RFTN1: variants seen among roughly 807,000 people sequenced by gnomAD.
RFTN1 encodes raftlin.
Under a neutral mutation model 46.5 loss-of-function variants are expected in RFTN1, and 26 were observed. That is an observed-to-expected ratio of 0.56 (90% CI 0.41 to 0.78). RFTN1 has a LOEUF of 0.78. Ranked by LOEUF, RFTN1 falls within the 30% of genes least tolerant of loss-of-function variation. The pLI, the probability that RFTN1 is intolerant of heterozygous loss-of-function variation, is 0.00. For synonymous variants in RFTN1, 261 were observed against 284.2 expected, an observed-to-expected ratio of 0.92 and a Z score of 0.82; for missense variants, 693 against 718.7, an observed-to-expected ratio of 0.96 and a Z score of 0.41.
intron 1 of RFTN1, among the ~76,000 whole-genome samples, chr3:16,494,465 C>T (rs2076592932): frequency 6.6e-6 from 1 of 152,060 alleles, no homozygotes. Flanking sequence ...GTTTTTAGAC[C>T]AAACTGCAGG....
In RFTN1 at chr3:16,474,665, G is replaced by A. The variant is rs927203545; in HGVS notation, c.145+19060C>T. ...TTAAACCACTGATTCACCATGCAAT[G>A]CAGTGTTAAAGTCAAAAGAACCTTA... On this transcript the variant is annotated intron_variant, in intron 2 of 9. Coordinates refer to ENST00000334133, the MANE Select transcript of RFTN1 (RefSeq NM_015150.2). This position sits in a 1 kb window ranked among gnomAD's most constrained non-coding sequence, Gnocchi z 5.5. 1.3e-5 allele frequency among the ~76,000 whole-genome samples: 2 copies of A among 152,168 alleles called. No individual in the cohort carries two copies. Among genetic ancestry groups the A allele is most frequent in the African/African-American group, 4.8e-5 (2 of 41,430 alleles).
intron 3 of RFTN1, among the ~76,000 whole-genome samples, chr3:16,412,304 G>A (rs957020574): frequency 3.9e-5 from 6 of 152,216 alleles, no homozygotes; most frequent in Non-Finnish European, 7.3e-5. Context: ...AAAGGGAGAG[G>A]AAGGGGGAAA....
Position 16,316,478 on chromosome 3 carries a change from C to A in RFTN1, c.*350G>T. The stretch of plus-strand genomic sequence containing the variant: ...GCCCAGGGTGTCCATGGATTTGACC[C>A]GAATGCTCCCTGGAGGCCCTGTGGC... On this transcript the variant is annotated 3_prime_UTR_variant, in exon 10 of 10. Transcript: ENST00000334133. The surrounding 1 kb of genome is among the most constrained non-coding windows in gnomAD (Gnocchi z 4.5). 3.1e-6 allele frequency: 1 copy of A among 321,990 alleles called. No homozygotes were observed. The highest frequency in any genetic ancestry group is 5.8e-6 in the Non-Finnish European group (1 of 171,724). 19.9% of individuals were successfully genotyped at this position (321,990 alleles called of 1,614,324 possible).
rs1049355046 is a variant in RFTN1 at position 16,429,079 on chromosome 3, T to C, written c.332+4772A>G. ...CTATTCATTCTTGAGTCAAAGTAACTTGAGTCAAAGTAACTGACTTGACTA... is the reference window on the plus strand; with the variant it reads ...CTATTCATTCTTGAGTCAAAGTAACCTGAGTCAAAGTAACTGACTTGACTA... On this transcript the variant is annotated intron_variant, in intron 3 of 9. Transcript: ENST00000334133. This position sits in a 1 kb window ranked among gnomAD's most constrained non-coding sequence, Gnocchi z 6.4. Among the ~76,000 whole-genome samples the C allele has an allele frequency of 2.6e-5, 4 of 152,234 alleles. No individual in the cohort carries two copies. Among genetic ancestry groups the C allele is most frequent in the Admixed American group, 2.0e-4 (3 of 15,278 alleles).
In RFTN1 at chr3:16,387,778, C is replaced by T. The variant is rs1300889716; in HGVS notation, c.442-9676G>A. Among the ~76,000 whole-genome samples, 1 of 152,160 alleles carries T rather than the reference C, an allele frequency of 6.6e-6. No homozygotes were observed. The highest frequency in any genetic ancestry group is 2.4e-5 in the African/African-American group (1 of 41,428). ...CTCTAGCTTCTGTACTGCCTCCTCA[C>T]CGGCAGCTCCCCACAGCCCTCCTGT... On this transcript the variant is annotated intron_variant, in intron 4 of 9. Transcript: ENST00000334133. This position sits in a 1 kb window ranked among gnomAD's most constrained non-coding sequence, Gnocchi z 5.2.
In RFTN1 at chr3:16,380,726, A is replaced by G. The variant is rs962044854; in HGVS notation, c.442-2624T>C. ...TTAACAAGTCCTCCGAGTGATTCCA[A>G]TGCAGCCTGATGTTTGAGAATCACT... is the stretch of plus-strand genomic sequence containing the variant. On this transcript the variant is annotated intron_variant, in intron 4 of 9. Coordinates refer to ENST00000334133, the MANE Select transcript of RFTN1 (RefSeq NM_015150.2). This position sits in a 1 kb window ranked among gnomAD's most constrained non-coding sequence, Gnocchi z 4.8. 5.3e-5 allele frequency among the ~76,000 whole-genome samples: 8 copies of G among 152,184 alleles called. No individual in the cohort carries two copies. The highest frequency in any genetic ancestry group is 1.7e-4 in the African/African-American group (7 of 41,442).
At chr3:16,454,130 C>T (rs954745374) in intron 2 of RFTN1, among the ~76,000 whole-genome samples, 2 of 152,312 alleles carry the variant, frequency 1.3e-5, no homozygotes, top group South Asian at 4.1e-4. Flanking sequence ...TCCTTAGTCA[C>T]CTTCTGCTCT....
Position 16,493,882 on chromosome 3 carries a change from T to A in RFTN1, c.-8-5A>T. ...ATCCGCAACCCATTTCAGCAGCTGC[T>A]GGCCAAAGGAAAAAGGCGGGGAGGT... On this transcript the variant is annotated splice_polypyrimidine_tract_variant and splice_region_variant and intron_variant, in intron 1 of 9. Coordinates refer to ENST00000334133, the MANE Select transcript of RFTN1 (RefSeq NM_015150.2). 4 of 1,611,244 alleles carry A rather than the reference T, an allele frequency of 2.5e-6. No homozygotes were observed. Among genetic ancestry groups the A allele is most frequent in the Non-Finnish European group, 2.5e-6 (3 of 1,178,220 alleles).
chr3:16,463,442 T>C (rs59510526), intron 2 of RFTN1, among the ~76,000 whole-genome samples: 11,771 of 152,250 alleles, frequency 0.077, 780 homozygotes, highest in East Asian at 0.2. Context: ...TGTCTTCTGC[T>C]ACATATGATC....
chr3:16,491,978 T>C (rs1009459702), intron 2 of RFTN1, among the ~76,000 whole-genome samples: 1 of 152,278 alleles, frequency 6.6e-6, no homozygotes, highest in Non-Finnish European at 1.5e-5. Context: ...GCCAAATGCA[T>C]GACCAAATGC....
Position 16,507,677 on chromosome 3 carries a change from A to G in RFTN1, c.-9+5765T>C, listed in dbSNP as rs2076829885. ...ACGCACATACATACACACACAATGC[A>G]CATAAACACACACATACACACACAT... is the stretch of plus-strand genomic sequence containing the variant. On this transcript the variant is annotated intron_variant, in intron 1 of 9. Transcript: ENST00000334133. This position sits in a 1 kb window ranked among gnomAD's most constrained non-coding sequence, Gnocchi z 7.1. Among the ~76,000 whole-genome samples the G allele has an allele frequency of 6.6e-6, 1 of 151,344 alleles. No individual in the cohort carries two copies. Among genetic ancestry groups the G allele is most frequent in the African/African-American group, 2.4e-5 (1 of 41,118 alleles).
chr3:16,426,660 C>CGTGTGTGTGTGT lies in RFTN1; in HGVS notation c.332+7179_332+7190dup, dbSNP rs34705903. Among the ~76,000 whole-genome samples the CGTGTGTGTGTGT allele has an allele frequency of 4.6e-3, 647 of 142,104 alleles. 6 individuals are homozygous for CGTGTGTGTGTGT. Among genetic ancestry groups the CGTGTGTGTGTGT allele is most frequent in the African/African-American group, 9.6e-3 (362 of 37,592 alleles). The allele number at this position is 142,104 out of a possible 152,430, so 93.2% of individuals were successfully genotyped here. A position where few individuals can be genotyped will look rare whatever the true frequency, so the allele number is the denominator to read the frequency against. ...ACTGTTATTTTGGCAATGAAAGGAT[C>CGTGTGTGTGTGT]GTGTGTGTGTGTGTGTGTGTGTGTG... On this transcript the variant is annotated intron_variant, in intron 3 of 9. Transcript: ENST00000334133. This position sits in a 1 kb window ranked among gnomAD's most constrained non-coding sequence, Gnocchi z 5.9.
At position 16,474,226 on chromosome 3, in the gene RFTN1, T is replaced by TACAG. The variant is rs1306555586; in HGVS notation, c.145+19495_145+19498dup. 2.0e-5 allele frequency among the ~76,000 whole-genome samples: 3 copies of TACAG among 152,178 alleles called. No individual in the cohort carries two copies. The highest frequency in any genetic ancestry group is 6.5e-5 in the Admixed American group (1 of 15,278). On this transcript the variant is annotated intron_variant, in intron 2 of 9. Transcript: ENST00000334133. This position sits in a 1 kb window ranked among gnomAD's most constrained non-coding sequence, Gnocchi z 5.5. The stretch of plus-strand genomic sequence containing the variant: ...CAACGCCAGGAAATATACTGCATTT[T>TACAG]ACAGATAAGAAACTCAGACTCACAG...
chr3:16,503,906 C>T (rs1007246966), intron 1 of RFTN1, among the ~76,000 whole-genome samples: 69 of 152,348 alleles, frequency 4.5e-4, no homozygotes, highest in African/African-American at 1.6e-3. Flanking sequence ...CAAGTGCTTA[C>T]ATTTTTACCT....
chr3:16,406,184 G>A (rs867831735), intron 4 of RFTN1, among the ~76,000 whole-genome samples: 3 of 152,160 alleles, frequency 2.0e-5, no homozygotes, highest in Admixed American at 6.5e-5. Flanking sequence ...ATTGTCCTCT[G>A]CTCTTTGCAC....
chr3:16,323,096 T>TA (rs1319467122), intron 9 of RFTN1, among the ~76,000 whole-genome samples: 5 of 152,144 alleles, frequency 3.3e-5, no homozygotes, highest in Non-Finnish European at 7.4e-5. Flanking sequence ...CTTTTCATCC[T>TA]AGTGGGAATA....
intron 2 of RFTN1, among the ~76,000 whole-genome samples, chr3:16,445,483 T>TCACACACACA (rs10681518): frequency 0.042 from 5,345 of 126,758 alleles, 166 homozygotes; most frequent in African/African-American, 0.068. Context: ...TCTCTCTCTC[T>TCACACACACA]CACACACACA....
At chr3:16,492,489 G>A (rs1168786951) in intron 2 of RFTN1, among the ~76,000 whole-genome samples, 1 of 152,194 alleles carries the variant, frequency 6.6e-6, no homozygotes, top group East Asian at 1.9e-4. Context: ...CTGCAGGACT[G>A]GGAAGCTCAG....
rs140598397 is a variant in RFTN1, at chr3:16,499,239, G to C, written c.-8-5362C>G. Among the ~76,000 whole-genome samples, 1 of 152,266 alleles carries C rather than the reference G, an allele frequency of 6.6e-6. No homozygotes were observed. Among genetic ancestry groups the C allele is most frequent in the Non-Finnish European group, 1.5e-5 (1 of 68,024 alleles). On this transcript the variant is annotated intron_variant, in intron 1 of 9. Coordinates refer to ENST00000334133, the MANE Select transcript of RFTN1 (RefSeq NM_015150.2). This position sits in a 1 kb window ranked among gnomAD's most constrained non-coding sequence, Gnocchi z 4.9. ...AAAATCCACTGACATTCCTCCTATT[G>C]AGCCTATTGAGAGGTGAGGTCTATG...
Sources: allele counts gnomAD v4.1 joint callset (sites outside exome capture counted in the v4.1 genomes callset), GRCh38; gene constraint gnomAD v4.1.1; non-coding constraint Gnocchi (gnomAD v3.1); transcripts MANE v1.5; gene names NCBI Gene and HGNC (gene_info 2026-07-23, HGNC 2026-07-21).